The following PTGFR variants were observed in gnomAD, a reference collection of about 807,000 sequenced individuals.
The protein encoded by PTGFR is prostaglandin F receptor, also known as prostaglandin F2-alpha receptor.
A neutral mutation model predicts 26.2 loss-of-function variants in PTGFR; 15 were observed. The ratio of observed to expected loss-of-function variants is 0.57; its 90% CI spans 0.38 to 0.88. The LOEUF (loss-of-function observed/expected upper bound fraction) is 0.88, where lower values mean the gene tolerates loss of function less well. Among genes scored for constraint, PTGFR ranks in the 40% least tolerant of loss-of-function variants. The pLI, the probability that PTGFR is intolerant of heterozygous loss-of-function variation, is 0.00. For missense variants in PTGFR, 369 were observed against 427.2 expected (o/e 0.86, Z 1.20); for synonymous variants, 165 against 151.1 (o/e 1.09, Z -0.68).
chr1:78,522,408 G>A (rs552216146), intron 2 of PTGFR, among the ~76,000 whole-genome samples: 1 of 151,966 alleles, frequency 6.6e-6, no homozygotes, highest in Non-Finnish European at 1.5e-5. Context: ...ATATTCACAG[G>A]TTCCAGGGCC....
chr1:78,492,545 T>G (rs1027287616), intron 1 of PTGFR, 127 bp from the exon 2 acceptor site: 1 of 535,542 alleles, frequency 1.9e-6, no homozygotes, highest in Non-Finnish European at 3.2e-6. Context: ...GCTTTCAGTA[T>G]GATGCAACCT....
chr1:78,526,511 G>T (rs1042482391), intron 2 of PTGFR, among the ~76,000 whole-genome samples: 1 of 152,034 alleles, frequency 6.6e-6, no homozygotes, highest in Non-Finnish European at 1.5e-5. Context: ...CTAACATTTT[G>T]TCCTAAATCT....
chr1:78,529,012 C>T (rs979868710), intron 2 of PTGFR, among the ~76,000 whole-genome samples: 1 of 152,134 alleles, frequency 6.6e-6, no homozygotes, highest in South Asian at 2.1e-4. Context: ...AAAAGACCTA[C>T]ACACATTTCA....
intron 2 of PTGFR, among the ~76,000 whole-genome samples, chr1:78,529,216 G>A (rs1439221660): frequency 6.6e-6 from 1 of 152,132 alleles, no homozygotes; most frequent in Non-Finnish European, 1.5e-5. Context: ...GGTATGGTCT[G>A]TTTTTGCTAT....
Position 78,503,458 on chromosome 1 carries a change from ATT to A in PTGFR, c.798+9919_798+9920del, listed in dbSNP as rs1339224971. Among the ~76,000 whole-genome samples the A allele has an allele frequency of 2.0e-5, 3 of 152,276 alleles. No homozygotes were observed. The East Asian group carries it at 5.8e-4, about 29-fold the overall frequency. On this transcript the variant is annotated intron_variant, in intron 2 of 2. Transcript: ENST00000370757. ...AATAGGAAGGAAACAAAAAAAGTTC[ATT>A]TACGTTTTCATTTACTCATGAATAA...
At chr1:78,493,742 G>A (rs544735564) in intron 2 of PTGFR, among the ~76,000 whole-genome samples, 3 of 152,304 alleles carry the variant, frequency 2.0e-5, no homozygotes, top group African/African-American at 7.2e-5. Context: ...GAAATGTGTT[G>A]CTAAACAATT....
intron 2 of PTGFR, among the ~76,000 whole-genome samples, chr1:78,521,533 TG>T (rs1358362142): frequency 2.6e-5 from 4 of 152,150 alleles, no homozygotes; most frequent in South Asian, 4.1e-4. Flanking sequence ...ATTCTATAGT[TG>T]GTATTGTTAG....
intron 2 of PTGFR, among the ~76,000 whole-genome samples, chr1:78,502,483 G>T (rs1649732649): frequency 6.6e-6 from 1 of 152,052 alleles, no homozygotes; most frequent in Non-Finnish European, 1.5e-5. Flanking sequence ...TTCATAGGGT[G>T]GTTGTGAGAA....
chr1:78,513,887 G>C (rs938136449), intron 2 of PTGFR, among the ~76,000 whole-genome samples: 4 of 152,244 alleles, frequency 2.6e-5, no homozygotes, highest in Non-Finnish European at 4.4e-5. Context: ...CCACTGCCAA[G>C]TGTGTAAGCC....
intron 2 of PTGFR, among the ~76,000 whole-genome samples, chr1:78,497,326 C>A (rs893318978): frequency 5.3e-5 from 8 of 152,094 alleles, no homozygotes; most frequent in African/African-American, 1.9e-4. Flanking sequence ...CGCTTATTAT[C>A]TTACAGTTCC....
chr1:78,505,120 CT>C (rs11383272), intron 2 of PTGFR, among the ~76,000 whole-genome samples: 2,576 of 127,188 alleles, frequency 0.02, 21 homozygotes, highest in African/African-American at 0.027. Flanking sequence ...TTTATTCTAA[CT>C]TTTTTTTTTT....
intron 2 of PTGFR, among the ~76,000 whole-genome samples, chr1:78,501,049 A>G (rs1489884003): frequency 6.6e-6 from 1 of 152,178 alleles, no homozygotes; most frequent in Non-Finnish European, 1.5e-5. Flanking sequence ...CAAAGATATC[A>G]TAGACATCGA....
At chr1:78,499,434 G>T (rs1327578498) in intron 2 of PTGFR, among the ~76,000 whole-genome samples, 2 of 152,214 alleles carry the variant, frequency 1.3e-5, no homozygotes, top group African/African-American at 4.8e-5. Flanking sequence ...TCTGTGTTCA[G>T]CTCCTAGACC....
intron 2 of PTGFR, among the ~76,000 whole-genome samples, chr1:78,495,115 T>C (rs1259148823): frequency 6.6e-6 from 1 of 152,222 alleles, no homozygotes; most frequent in Non-Finnish European, 1.5e-5. Flanking sequence ...ATATTTTTTG[T>C]GTTGTTCCTG....
rs1650769933 is a variant in PTGFR, at chr1:78,540,476, AC to A, written c.*3790del. Among the ~76,000 whole-genome samples the A allele has an allele frequency of 6.6e-6, 1 of 152,218 alleles. No homozygotes were observed. Among genetic ancestry groups the A allele is most frequent in the East Asian group, 1.9e-4 (1 of 5,172 alleles). ...CATGGCATAGAAACATTTAGGACTC[AC>A]TCTTTGTAAGTACTGACAAGCATGG... On this transcript the variant is annotated 3_prime_UTR_variant, in exon 3 of 3. Coordinates refer to ENST00000370757, the MANE Select transcript of PTGFR (RefSeq NM_000959.4).
chr1:78,515,320 C>T (rs767129324), intron 2 of PTGFR, among the ~76,000 whole-genome samples: 2 of 152,098 alleles, frequency 1.3e-5, no homozygotes, highest in Non-Finnish European at 2.9e-5. Flanking sequence ...GATTAACGTG[C>T]TATCATGACT....
At chr1:78,531,347 C>T (rs1212049805) in intron 2 of PTGFR, among the ~76,000 whole-genome samples, 1 of 152,132 alleles carries the variant, frequency 6.6e-6, no homozygotes, top group Non-Finnish European at 1.5e-5. Context: ...CATCCCAGTT[C>T]CCAAACCCTT....
chr1:78,524,400 G>C (rs764637673), intron 2 of PTGFR, among the ~76,000 whole-genome samples: 12 of 152,000 alleles, frequency 7.9e-5, no homozygotes, highest in Non-Finnish European at 1.8e-4. Flanking sequence ...CAAATACCTA[G>C]ATTCGACTTA....
chr1:78,513,600 G>T (rs77977946), intron 2 of PTGFR, among the ~76,000 whole-genome samples: 3,632 of 151,926 alleles, frequency 0.024, 67 homozygotes, highest in African/African-American at 0.046. Context: ...TAAAAGTTTG[G>T]AAAATTTGCA....
Sources: gnomAD v4.1 joint callset for allele counts (sites outside exome capture counted in the v4.1 genomes callset) on GRCh38, gnomAD v4.1.1 for gene constraint, MANE v1.5 for transcripts, NCBI Gene and HGNC (gene_info 2026-07-23, HGNC 2026-07-21) for gene names.